The following IL1RAPL1 variants were observed in gnomAD, a reference collection of about 807,000 sequenced individuals.
IL1RAPL1 encodes the protein interleukin 1 receptor accessory protein like 1.
IL1RAPL1 carries 3 observed loss-of-function variants against 48.4 expected under a neutral mutation model. That is an observed-to-expected ratio of 0.06 (90% confidence interval 0.03 to 0.16). The LOEUF (loss-of-function observed/expected upper bound fraction) is 0.16, where lower values mean the gene tolerates loss of function less well. Ranked by LOEUF, IL1RAPL1 falls within the 10% of genes least tolerant of loss-of-function variation. The probability of loss-of-function intolerance (pLI) is 1.00; values close to 1 mark genes in which losing one functional copy is unlikely to be tolerated. For missense variants in IL1RAPL1, 349 were observed against 530.6 expected (o/e 0.66, Z 3.36); for synonymous variants, 185 against 187.7 (o/e 0.99, Z 0.12).
intron 2 of IL1RAPL1, among the ~76,000 whole-genome samples, chrX:29,238,642 T>C (rs1482866711): frequency 1.8e-5 from 2 of 112,289 alleles, no homozygotes; most frequent in Non-Finnish European, 3.8e-5. Flanking sequence ...CTAACTTGCC[T>C]CAATTTCTTT....
intron 1 of IL1RAPL1, among the ~76,000 whole-genome samples, chrX:28,674,439 A>C (rs2146916107): frequency 9.0e-6 from 1 of 111,427 alleles, no homozygotes; most frequent in African/African-American, 3.3e-5. Context: ...TTGGGGAAAT[A>C]CCGTTCCTTT....
chrX:28,850,673 A>G (rs780359439), intron 2 of IL1RAPL1, among the ~76,000 whole-genome samples: 54 of 110,844 alleles, frequency 4.9e-4, no homozygotes, highest in African/African-American at 1.7e-3. Flanking sequence ...GGGTTTGTCT[A>G]ATCTTATCTT....
intron 1 of IL1RAPL1, among the ~76,000 whole-genome samples, chrX:28,672,790 TTTCCAAGG>T (rs1934960518): frequency 8.9e-6 from 1 of 111,856 alleles, no homozygotes. Context: ...GACTTTCTCA[TTTCCAAGG>T]TCTTCTTTTT....
At position 29,954,426 on chromosome X, in the gene IL1RAPL1, T is replaced by C. The variant is rs924659376; in HGVS notation, c.1202-96T>C. Reference sequence around the variant, plus strand: ...TTTTCGGTCTTTCAGAAATGGGACATTTGGAGACGTTTATGAAAAAAAGTG... The same window carrying C: ...TTTTCGGTCTTTCAGAAATGGGACACTTGGAGACGTTTATGAAAAAAAGTG... On this transcript the variant is annotated intron_variant, in intron 9 of 10. Coordinates refer to ENST00000378993, the MANE Select transcript of IL1RAPL1 (RefSeq NM_014271.4). 13 of 683,906 alleles carry C rather than the reference T, an allele frequency of 1.9e-5. No homozygotes were observed. In the Admixed American group the frequency reaches 2.4e-4, roughly 12 times the overall value. 56.4% of individuals were successfully genotyped at this position (683,906 alleles called of 1,213,427 possible).
rs186200608 is a variant in IL1RAPL1, at chrX:29,618,059, C to G, written c.704-50371C>G. Among the ~76,000 whole-genome samples the G allele has an allele frequency of 2.0e-3, 218 of 111,308 alleles. 1 individual carries two copies. The highest frequency in any genetic ancestry group is 7.0e-3 in the African/African-American group (213 of 30,626). On this transcript the variant is annotated intron_variant, in intron 5 of 10. Coordinates refer to ENST00000378993, the MANE Select transcript of IL1RAPL1 (RefSeq NM_014271.4). ...TAGAGTCAGCCATTTACTTAATTTC[C>G]CAAAGAATACTGCAAGAGAATACTG...
intron 6 of IL1RAPL1, among the ~76,000 whole-genome samples, chrX:29,808,293 A>AT (rs1187564989): frequency 1.8e-5 from 2 of 111,660 alleles, no homozygotes; most frequent in East Asian, 2.8e-4. Flanking sequence ...CTTAATGGTA[A>AT]TTTTTTTTAA....
chrX:29,205,512 T>G (rs938062546), intron 2 of IL1RAPL1, among the ~76,000 whole-genome samples: 4 of 110,568 alleles, frequency 3.6e-5, no homozygotes, highest in Admixed American at 9.7e-5. Context: ...TCAGAGTTCA[T>G]GACCTCAAAA....
At chrX:28,593,867 G>A (rs1178660438) in intron 1 of IL1RAPL1, among the ~76,000 whole-genome samples, 1 of 110,736 alleles carries the variant, frequency 9.0e-6, no homozygotes, top group Non-Finnish European at 1.9e-5. Flanking sequence ...ATTTTCTGGT[G>A]CAAAGTTCCC....
chrX:29,893,939 A>G (rs966196804), intron 6 of IL1RAPL1, among the ~76,000 whole-genome samples: 2 of 111,962 alleles, frequency 1.8e-5, no homozygotes, highest in African/African-American at 3.2e-5. Flanking sequence ...ATATGTCCCA[A>G]TGGTCCTACG....
At chrX:28,702,511 A>G (rs1243986394) in intron 1 of IL1RAPL1, among the ~76,000 whole-genome samples, 1 of 112,007 alleles carries the variant, frequency 8.9e-6, no homozygotes, top group Non-Finnish European at 1.9e-5. Flanking sequence ...AGAAACTCCA[A>G]TACATCAAGA....
At chrX:29,802,199 G>A (rs1929926968) in intron 6 of IL1RAPL1, among the ~76,000 whole-genome samples, 1 of 111,917 alleles carries the variant, frequency 8.9e-6, no homozygotes, top group South Asian at 3.7e-4. Flanking sequence ...GCGTTCGGTA[G>A]CTAGCCTCTA....
chrX:29,301,576 T>A (rs1264652576), intron 3 of IL1RAPL1, among the ~76,000 whole-genome samples: 1 of 111,942 alleles, frequency 8.9e-6, no homozygotes, highest in Non-Finnish European at 1.9e-5. Context: ...ACACATACTT[T>A]TTAATATATG....
rs748031779 is a variant in IL1RAPL1 at position 29,396,466 on chromosome X, A to T, written c.549+22A>T. ...CAAGGTATGGACTGCGGGTGGTTCT[A>T]TTTCCTATTAACAAATTAATTGTGC... On this transcript the variant is annotated intron_variant, in intron 4 of 10. Transcript: ENST00000378993. 3 of 1,171,053 alleles carry T rather than the reference A, an allele frequency of 2.6e-6. No individual in the cohort carries two copies. The South Asian group carries it at 5.4e-5, about 21-fold the overall frequency.
At chrX:29,150,942 A>G (rs991241786) in intron 2 of IL1RAPL1, among the ~76,000 whole-genome samples, 15 of 109,231 alleles carry the variant, frequency 1.4e-4, no homozygotes, top group African/African-American at 5.0e-4. Flanking sequence ...AAAAAGAAAA[A>G]AAAAGAAACA....
At chrX:28,756,514 C>T (rs777485690) in intron 1 of IL1RAPL1, among the ~76,000 whole-genome samples, 5 of 111,520 alleles carry the variant, frequency 4.5e-5, no homozygotes, top group African/African-American at 6.5e-5. Context: ...GTGGTCAGCA[C>T]GCTCACCATT....
intron 2 of IL1RAPL1, among the ~76,000 whole-genome samples, chrX:29,109,470 C>T (rs1928517525): frequency 9.1e-6 from 1 of 110,222 alleles, no homozygotes; most frequent in African/African-American, 3.3e-5. Context: ...ATTTAAGTCT[C>T]CCTTATTTTA....
intron 8 of IL1RAPL1, among the ~76,000 whole-genome samples, chrX:29,924,563 T>C (rs1339252165): frequency 4.5e-5 from 5 of 112,288 alleles, no homozygotes; most frequent in Non-Finnish European, 3.8e-5. Context: ...TAAATTACAG[T>C]GATATTAAAC....
At chrX:29,315,116 G>A (rs1278593422) in intron 3 of IL1RAPL1, among the ~76,000 whole-genome samples, 1 of 111,658 alleles carries the variant, frequency 9.0e-6, no homozygotes, top group Non-Finnish European at 1.9e-5. Context: ...CAAGCTAAAG[G>A]AAAACTATGT....
intron 5 of IL1RAPL1, among the ~76,000 whole-genome samples, chrX:29,447,300 T>C (rs912237687): frequency 1.8e-5 from 2 of 110,564 alleles, no homozygotes; most frequent in Non-Finnish European, 3.8e-5. Flanking sequence ...CACTTTCACA[T>C]TGAGGTAATT....
Sources: gnomAD v4.1 joint callset for allele counts (sites outside exome capture counted in the v4.1 genomes callset) on GRCh38, gnomAD v4.1.1 for gene constraint, MANE v1.5 for transcripts, NCBI Gene and HGNC (gene_info 2026-07-23, HGNC 2026-07-21) for gene names.